PHACTR1: variants seen among roughly 807,000 people sequenced by gnomAD.
PHACTR1 encodes the protein RPEL repeat containing 1.
PHACTR1 carries 16 observed loss-of-function variants against 69.2 expected under a neutral mutation model. The ratio of observed to expected loss-of-function variants is 0.23; its 90% CI spans 0.16 to 0.35. The LOEUF is 0.35. PHACTR1 is among the 10% of genes least tolerant of loss of function. The pLI is 1.00. For synonymous variants in PHACTR1, 312 were observed against 284.5 expected (o/e 1.10, Z -0.97); for missense variants, 510 against 734.7 (o/e 0.69, Z 3.54).
intron 4 of PHACTR1, among the ~76,000 whole-genome samples, chr6:12,927,120 A>G (rs1788355415): frequency 6.6e-6 from 1 of 152,214 alleles, no homozygotes; most frequent in African/African-American, 2.4e-5. Flanking sequence ...ATGTGCAGTT[A>G]TTCAGATTGT....
chr6:12,746,922 G>C (rs967525715), intron 3 of PHACTR1, among the ~76,000 whole-genome samples: 2 of 152,192 alleles, frequency 1.3e-5, no homozygotes, highest in Middle Eastern at 3.2e-3. Flanking sequence ...CATTCATACA[G>C]TATTTAGAAT....
At chr6:13,243,880 A>T (rs146527391) in intron 10 of PHACTR1, among the ~76,000 whole-genome samples, 2,713 of 152,240 alleles carry the variant, frequency 0.018, 79 homozygotes, top group African/African-American at 0.061. Flanking sequence ...TTAGTTTGCT[A>T]AGGATGATGG....
intron 4 of PHACTR1, among the ~76,000 whole-genome samples, chr6:12,809,199 T>G (rs929412143): frequency 2.0e-5 from 3 of 152,268 alleles, no homozygotes; most frequent in African/African-American, 7.2e-5. Context: ...TCTACTGTCT[T>G]ACTTTTAAGC....
intron 10 of PHACTR1, among the ~76,000 whole-genome samples, chr6:13,233,223 T>C (rs73355358): frequency 0.12 from 18,600 of 152,110 alleles, 1,614 homozygotes; most frequent in Admixed American, 0.24. Context: ...GCAAAGGCAG[T>C]CACAAAACCC....
chr6:13,183,488 G>A (rs1002321661), intron 7 of PHACTR1, among the ~76,000 whole-genome samples: 4 of 152,256 alleles, frequency 2.6e-5, no homozygotes, highest in African/African-American at 7.2e-5. Flanking sequence ...CCCATGCTTC[G>A]TTATGGGACC....
intron 4 of PHACTR1, among the ~76,000 whole-genome samples, chr6:13,032,959 C>T (rs1297563319): frequency 6.6e-6 from 1 of 152,084 alleles, no homozygotes. Flanking sequence ...GTCAAAATTT[C>T]CCGTTAGAGG....
At chr6:13,228,154 G>T (rs1770128860) in intron 9 of PHACTR1, 91 bp downstream of exon 9, 2 of 1,467,492 alleles carry the variant, frequency 1.4e-6, no homozygotes, top group Non-Finnish European at 1.8e-6. Context: ...AGCAGTCTGG[G>T]TTCTAATCCC....
chr6:12,800,616 T>C (rs1447194185), intron 4 of PHACTR1, among the ~76,000 whole-genome samples: 3 of 152,186 alleles, frequency 2.0e-5, no homozygotes, highest in Non-Finnish European at 4.4e-5. Context: ...CCAGGTGCCG[T>C]GCCTCATACC....
At chr6:12,815,174 C>A (rs1775442855) in intron 4 of PHACTR1, among the ~76,000 whole-genome samples, 2 of 152,224 alleles carry the variant, frequency 1.3e-5, no homozygotes, top group South Asian at 4.1e-4. Context: ...AAAATTTTAA[C>A]AACCTGTAGA....
chr6:13,030,564 T>C (rs922466282), intron 4 of PHACTR1, among the ~76,000 whole-genome samples: 29 of 152,226 alleles, frequency 1.9e-4, no homozygotes, highest in Non-Finnish European at 3.1e-4. Context: ...CTTTGTTAAT[T>C]AGGGATTCCC....
chr6:12,992,377 T>C lies in PHACTR1; in HGVS notation c.251-60988T>C, dbSNP rs148833645. On this transcript the variant is annotated intron_variant, in intron 4 of 14. Coordinates refer to ENST00000332995, the MANE Select transcript of PHACTR1 (RefSeq NM_030948.6). ...ATAGCCTCTGAGTGCTATTCTTGGCTCTTAATATAGTGTTAATTATTTAAT... is the reference window on the plus strand; with the variant it reads ...ATAGCCTCTGAGTGCTATTCTTGGCCCTTAATATAGTGTTAATTATTTAAT... Among the ~76,000 whole-genome samples the C allele has an allele frequency of 1.6e-4, 24 of 152,372 alleles. No individual in the cohort carries two copies. In the East Asian group the frequency reaches 4.4e-3, roughly 28 times the overall value.
At chr6:12,812,747 G>A (rs190686384) in intron 4 of PHACTR1, among the ~76,000 whole-genome samples, 7 of 152,288 alleles carry the variant, frequency 4.6e-5, no homozygotes, top group East Asian at 1.9e-4. Flanking sequence ...ACCCTTGCTC[G>A]TGGTTTCCTG....
intron 4 of PHACTR1, among the ~76,000 whole-genome samples, chr6:12,892,370 C>T (rs1784243703): frequency 6.6e-6 from 1 of 152,132 alleles, no homozygotes; most frequent in Non-Finnish European, 1.5e-5. Flanking sequence ...ACATGCATAA[C>T]TTCTTTTGCT....
chr6:13,153,225 G>A (rs574206233), intron 5 of PHACTR1, among the ~76,000 whole-genome samples: 17 of 152,318 alleles, frequency 1.1e-4, no homozygotes, highest in Admixed American at 3.9e-4. Flanking sequence ...AATACACAGT[G>A]GTAAAGATGC....
chr6:13,041,503 G>C (rs918920698), intron 4 of PHACTR1, among the ~76,000 whole-genome samples: 1 of 152,076 alleles, frequency 6.6e-6, no homozygotes, highest in Non-Finnish European at 1.5e-5. Context: ...TCACCTGGGA[G>C]GTAATGGGAG....
At chr6:13,080,950 T>G (rs555132946) in intron 5 of PHACTR1, among the ~76,000 whole-genome samples, 2 of 152,254 alleles carry the variant, frequency 1.3e-5, no homozygotes, top group African/African-American at 4.8e-5. Flanking sequence ...AAGGAGAATA[T>G]TTTTGGAAAA....
chr6:12,853,212 G>T (rs960376469), intron 4 of PHACTR1, among the ~76,000 whole-genome samples: 23 of 152,160 alleles, frequency 1.5e-4, no homozygotes, highest in Admixed American at 2.6e-4. Context: ...GGCTCAAAAA[G>T]TTAGTCTCTT....
chr6:13,048,069 T>C (rs1189100593), intron 4 of PHACTR1, among the ~76,000 whole-genome samples: 1 of 152,156 alleles, frequency 6.6e-6, no homozygotes, highest in African/African-American at 2.4e-5. Context: ...CATCTCCCAA[T>C]CATTTCCACC....
chr6:12,830,572 A>G (rs1295086427), intron 4 of PHACTR1, among the ~76,000 whole-genome samples: 1 of 147,602 alleles, frequency 6.8e-6, no homozygotes, highest in Non-Finnish European at 1.5e-5. Context: ...AGTAATACAT[A>G]TTTTTAATTT....
Sources: gnomAD v4.1 joint callset for allele counts (sites outside exome capture counted in the v4.1 genomes callset) on GRCh38, gnomAD v4.1.1 for gene constraint, MANE v1.5 for transcripts, NCBI Gene and HGNC (gene_info 2026-07-23, HGNC 2026-07-21) for gene names.